CSGALNACT2: variants seen among roughly 807,000 people sequenced by gnomAD.
The protein encoded by CSGALNACT2 is beta 4 GalNAcT-2.
CSGALNACT2 carries 35 observed loss-of-function variants against 55.3 expected under a neutral mutation model. The ratio of observed to expected loss-of-function variants is 0.63; its 90% CI spans 0.48 to 0.84. The LOEUF (loss-of-function observed/expected upper bound fraction) is 0.84. CSGALNACT2 is among the 40% of genes least tolerant of loss of function. CSGALNACT2 has a pLI of 0.00. For missense variants in CSGALNACT2, 544 were observed against 657.5 expected (o/e 0.83, Z 1.89); for synonymous variants, 196 against 224.9 (o/e 0.87, Z 1.15).
intron 4 of CSGALNACT2, among the ~76,000 whole-genome samples, chr10:43,161,021 C>G (rs1177838548): frequency 1.3e-5 from 2 of 152,138 alleles, no homozygotes; most frequent in Non-Finnish European, 2.9e-5. Flanking sequence ...TCTGAAGTGC[C>G]CAGCCACTAC....
At chr10:43,180,533 G>A (rs1188608497) in intron 7 of CSGALNACT2, among the ~76,000 whole-genome samples, 1 of 152,116 alleles carries the variant, frequency 6.6e-6, no homozygotes, top group Non-Finnish European at 1.5e-5. Flanking sequence ...AGCCCTTAGA[G>A]TATTATACAT....
At chr10:43,161,194 T>C (rs1057137219) in intron 4 of CSGALNACT2, among the ~76,000 whole-genome samples, 14 of 152,262 alleles carry the variant, frequency 9.2e-5, no homozygotes, top group Non-Finnish European at 1.6e-4. Context: ...TCAGCCTTTT[T>C]CTTTCTAAAT....
At chr10:43,166,707 A>T (rs1053643899) in intron 5 of CSGALNACT2, among the ~76,000 whole-genome samples, 1 of 152,240 alleles carries the variant, frequency 6.6e-6, no homozygotes, top group Non-Finnish European at 1.5e-5. Flanking sequence ...AGATGAAACA[A>T]TGAGTAATAA....
At position 43,155,332 on chromosome 10, in the gene CSGALNACT2, A is replaced by G. The variant is rs1488318272; in HGVS notation, c.183A>G (p.Leu61=). Residue 61 remains leucine, a synonymous_variant, in exon 2 of 8, where the codon CTA becomes CTG. Transcript: ENST00000374466. ...GTAAAGAGTATTATCAAGCCCTCCTACAGGAACAAGAAGAACATTATCAGA... is the reference window on the plus strand; with the variant it reads ...GTAAAGAGTATTATCAAGCCCTCCTGCAGGAACAAGAAGAACATTATCAGA... ...NYGKEYYQAL[L]QEQEEHYQTR... 4 of 1,614,044 alleles carry G rather than the reference A, an allele frequency of 2.5e-6. No homozygotes were observed. The African/African-American group carries it at 4.0e-5, about 16-fold the overall frequency.
intron 1 of CSGALNACT2, among the ~76,000 whole-genome samples, chr10:43,148,312 G>A (rs1838804703): frequency 6.6e-6 from 1 of 151,948 alleles, no homozygotes; most frequent in South Asian, 2.1e-4. Context: ...AGTAATTTTT[G>A]GAATTGGGAA....
intron 1 of CSGALNACT2, among the ~76,000 whole-genome samples, chr10:43,153,292 G>T (rs999545751): frequency 7.6e-6 from 1 of 131,128 alleles, no homozygotes; most frequent in Non-Finnish European, 1.5e-5. Context: ...CCAAGATCGC[G>T]CCACTGCACT....
At chr10:43,148,552 C>T (rs1217249024) in intron 1 of CSGALNACT2, among the ~76,000 whole-genome samples, 1 of 152,154 alleles carries the variant, frequency 6.6e-6, no homozygotes, top group Middle Eastern at 3.2e-3. Flanking sequence ...TAAATCTTAA[C>T]TTTCTTCCAA....
chr10:43,144,605 T>A lies in CSGALNACT2; in HGVS notation c.-254+6038T>A, dbSNP rs541428868. Among the ~76,000 whole-genome samples the A allele has an allele frequency of 1.3e-4, 20 of 152,312 alleles. No homozygotes were observed. The South Asian group carries it at 3.3e-3, about 25-fold the overall frequency. ...TGTTTTACAAATGCCTTTTTGGCAC[T>A]GCTACTGAATCTGACTTGGCTTTAT... On this transcript the variant is annotated intron_variant, in intron 1 of 7. Transcript: ENST00000374466.
intron 7 of CSGALNACT2, 118 bp downstream of exon 7, chr10:43,176,150 TAAAAAG>T: frequency 1.5e-6 from 1 of 685,740 alleles, no homozygotes; most frequent in African/African-American, 1.8e-5. Context: ...TAAGGTTAGC[TAAAAAG>T]AGAAACTGGA....
In CSGALNACT2 at chr10:43,155,068, G is replaced by C; in HGVS notation, c.-82G>C. 2 of 1,170,772 alleles carry C rather than the reference G, an allele frequency of 1.7e-6. No homozygotes were observed. The highest frequency in any genetic ancestry group is 2.4e-5 in the Admixed American group (1 of 42,330). The allele number at this position is 1,170,772 out of a possible 1,614,324, so 72.5% of individuals were successfully genotyped here. ...ATTATTTTATGGAAATTCTGATTTT[G>C]TTTTTAATTTTTGATAACTTTTTAC... On this transcript the variant is annotated 5_prime_UTR_variant, in exon 2 of 8. Transcript: ENST00000374466.
At chr10:43,159,876 A>G (rs541378312) in intron 3 of CSGALNACT2, among the ~76,000 whole-genome samples, 1 of 152,316 alleles carries the variant, frequency 6.6e-6, no homozygotes, top group South Asian at 2.1e-4. Context: ...TTGTGATCCT[A>G]GTCTTTATTC....
chr10:43,182,715 CAAAA>C (rs773763712), intron 7 of CSGALNACT2, among the ~76,000 whole-genome samples: 2 of 128,050 alleles, frequency 1.6e-5, no homozygotes, highest in Admixed American at 8.0e-5. Flanking sequence ...CCATCTCCAC[CAAAA>C]AAAAAAAAAA....
intron 4 of CSGALNACT2, 61 bp downstream of exon 4, chr10:43,160,656 AGAT>A: frequency 1.3e-6 from 1 of 788,314 alleles, no homozygotes; most frequent in Non-Finnish European, 2.2e-6. Flanking sequence ...AGAGAATTTC[AGAT>A]ATGTAATGAG....
At chr10:43,173,712 G>A (rs1178592154) in intron 6 of CSGALNACT2, among the ~76,000 whole-genome samples, 3 of 151,682 alleles carry the variant, frequency 2.0e-5, no homozygotes, top group African/African-American at 7.3e-5. Flanking sequence ...GAATATTAGA[G>A]ACAGGAGTGG....
At chr10:43,145,614 T>C (rs1838730812) in intron 1 of CSGALNACT2, among the ~76,000 whole-genome samples, 1 of 152,028 alleles carries the variant, frequency 6.6e-6, no homozygotes, top group Non-Finnish European at 1.5e-5. Flanking sequence ...TCGCTAGCTA[T>C]ATTGCCCAGG....
intron 7 of CSGALNACT2, among the ~76,000 whole-genome samples, chr10:43,177,923 A>G (rs977177061): frequency 6.6e-6 from 1 of 152,198 alleles, no homozygotes; most frequent in Non-Finnish European, 1.5e-5. Flanking sequence ...CCTCATTAAT[A>G]CATGTTATTA....
In CSGALNACT2 at chr10:43,160,536, G is replaced by C; in HGVS notation, c.921G>C (p.Val307=). ...IHQDKKIHLT[V]VYFGKEGLSK... is the part of the protein sequence containing the mutation. ...AAGACAAGAAGATTCATCTCACAGTGGTGTATTTTGGTAAAGAAGGACTGT... is the reference window on the plus strand; with the variant it reads ...AAGACAAGAAGATTCATCTCACAGTCGTGTATTTTGGTAAAGAAGGACTGT... Residue 307 remains valine (V), a synonymous_variant, in exon 4 of 8, where the codon GTG becomes GTC. Transcript: ENST00000374466. 6.3e-7 allele frequency: 1 copy of C among 1,594,990 alleles called. No homozygotes were observed. Among genetic ancestry groups the C allele is most frequent in the Non-Finnish European group, 8.6e-7 (1 of 1,163,914 alleles).
chr10:43,171,788 A>G (rs563124991), intron 6 of CSGALNACT2, among the ~76,000 whole-genome samples: 2 of 152,352 alleles, frequency 1.3e-5, no homozygotes, highest in African/African-American at 4.8e-5. Context: ...AACCTTTGCA[A>G]GTTGCTTAAC....
intron 2 of CSGALNACT2, among the ~76,000 whole-genome samples, chr10:43,157,743 G>T (rs1839046045): frequency 6.6e-6 from 1 of 152,148 alleles, no homozygotes; most frequent in African/African-American, 2.4e-5. Context: ...TTAAAAATCA[G>T]ATTGCCACTG....
Sources: allele counts gnomAD v4.1 joint callset (sites outside exome capture counted in the v4.1 genomes callset), GRCh38; gene constraint gnomAD v4.1.1; transcripts MANE v1.5; gene names NCBI Gene and HGNC (gene_info 2026-07-23, HGNC 2026-07-21).